ANKRA2: variants seen among roughly 807,000 people sequenced by gnomAD.
The protein encoded by ANKRA2 is ankyrin repeat family A member 2.
In ANKRA2, 33 loss-of-function variants were observed where a neutral mutation model predicts 37.8. The observed-to-expected ratio is 0.87, with a 90% CI of 0.66 to 1.17. The LOEUF is 1.17. Among genes scored for constraint, ANKRA2 ranks in the 50% most tolerant of loss-of-function variants. ANKRA2 has a pLI of 0.00. For missense variants in ANKRA2, 326 were observed against 373.7 expected, an observed-to-expected ratio of 0.87 and a Z score of 1.05; for synonymous variants, 126 against 132.3, an observed-to-expected ratio of 0.95 and a Z score of 0.33.
chr5:73,554,342 T>A lies in ANKRA2; in HGVS notation c.785A>T (p.Lys262Ile). 6.2e-7 allele frequency: 1 copy of A among 1,613,766 alleles called. No homozygotes were observed. Among genetic ancestry groups the A allele is most frequent in the Non-Finnish European group, 8.5e-7 (1 of 1,179,858 alleles). Residue 262 changes from lysine to isoleucine, a missense_variant, in exon 7 of 9, where the codon AAA (lysine) becomes ATA (isoleucine). By Grantham distance (102) the Lys-to-Ile change is moderately radical. This residue lies in a region of ANKRA2 where 228 missense variants were observed against 260.2 expected (regional missense o/e 0.88). Transcript: ENST00000296785. ...LLYAVHGNHV[K>I]CVKMLLESGA... is the part of the protein sequence containing the mutation. ...CTTACCTAAGAGCATCTTTACACAT[T>A]TCACATGATTTCCATGTACAGCATA... is the stretch of plus-strand genomic sequence containing the variant.
chr5:73,559,454 G>A (rs575765146), intron 3 of ANKRA2, among the ~76,000 whole-genome samples: 45 of 151,988 alleles, frequency 3.0e-4, no homozygotes, highest in Non-Finnish European at 5.3e-4. Context: ...GATTCAAGGT[G>A]TTAAAATAGG....
chr5:73,557,433 T>TTTA, intron 4 of ANKRA2, 142 bp downstream of exon 4: 2 of 269,094 alleles, frequency 7.4e-6, no homozygotes, highest in Non-Finnish European at 1.4e-5. Context: ...TTTTTTTTTT[T>TTTA]ACTATCCATT....
intron 5 of ANKRA2, chr5:73,555,272 T>C: frequency 2.5e-6 from 3 of 1,196,230 alleles, no homozygotes; most frequent in East Asian, 5.3e-5. Flanking sequence ...TCCCGTGGGA[T>C]GTAGAGGGGT....
At chr5:73,561,374 G>T in intron 2 of ANKRA2, 86 bp from the exon 3 acceptor site, 1 of 1,251,070 alleles carries the variant, frequency 8.0e-7, no homozygotes, top group Non-Finnish European at 1.1e-6. Flanking sequence ...AAATACATGA[G>T]GTGTAATAGC....
chr5:73,558,693 C>T (rs980585727), intron 3 of ANKRA2, among the ~76,000 whole-genome samples: 1 of 152,122 alleles, frequency 6.6e-6, no homozygotes, highest in Admixed American at 6.5e-5. Flanking sequence ...GGTGCCACCA[C>T]ATCCAGATAA....
rs1020914228 is a variant in ANKRA2, at chr5:73,555,231, C to T, written c.613-245G>A. ...GTCAAGTCACAGCTCCTCCATGAAG[C>T]CTTCTCCTTCAAAGCTGACAGTACT... is the stretch of plus-strand genomic sequence containing the variant. On this transcript the variant is annotated intron_variant, in intron 5 of 8. Transcript: ENST00000296785. 7.0e-6 allele frequency: 9 copies of T among 1,286,568 alleles called. No individual in the cohort carries two copies. In the East Asian group the frequency reaches 7.9e-5, roughly 11 times the overall value. 79.7% of individuals were successfully genotyped at this position (1,286,568 alleles called of 1,614,324 possible).
intron 2 of ANKRA2, among the ~76,000 whole-genome samples, chr5:73,562,241 T>G (rs1032705501): frequency 2.6e-5 from 4 of 152,108 alleles, no homozygotes; most frequent in Non-Finnish European, 5.9e-5. Flanking sequence ...GGTCTTGAAC[T>G]CCTGACCTCA....
At chr5:73,560,558 G>A (rs371889458) in intron 3 of ANKRA2, among the ~76,000 whole-genome samples, 1 of 151,576 alleles carries the variant, frequency 6.6e-6, no homozygotes, top group East Asian at 1.9e-4. Context: ...TTTATTTTTT[G>A]CATTTTTAGT....
In ANKRA2 at chr5:73,555,596, G is replaced by T; in HGVS notation, c.515-11C>A. On this transcript the variant is annotated splice_polypyrimidine_tract_variant and intron_variant, in intron 4 of 8. Transcript: ENST00000296785. ...GATTGATAACATTTTCTATTTAAAA[G>T]AAAAGCAATTTTTGTGATCTAATTT... The T allele has an allele frequency of 6.2e-7, 1 of 1,609,014 alleles. No individual in the cohort carries two copies.
rs767066782 is a variant in ANKRA2 at position 73,561,328 on chromosome 5, A to G, written c.290-40T>C. ...AATGTAAACACATTAAAAGCATTTCAGTAAGAGTTCTATGTCAATGTCTAC... is the reference window on the plus strand; with the variant it reads ...AATGTAAACACATTAAAAGCATTTCGGTAAGAGTTCTATGTCAATGTCTAC... On this transcript the variant is annotated intron_variant, in intron 2 of 8. Transcript: ENST00000296785. 1.0e-5 allele frequency: 16 copies of G among 1,561,474 alleles called. No homozygotes were observed. In the Middle Eastern group the frequency reaches 5.0e-4, roughly 49 times the overall value.
chr5:73,555,099 A>T, intron 5 of ANKRA2, 113 bp from the exon 6 acceptor site: 1 of 1,470,922 alleles, frequency 6.8e-7, no homozygotes, highest in Non-Finnish European at 8.9e-7. Context: ...TTCTGGGCTT[A>T]ATAAAGAAAT....
intron 4 of ANKRA2, among the ~76,000 whole-genome samples, chr5:73,556,483 C>T (rs1257636933): frequency 1.3e-5 from 2 of 152,010 alleles, no homozygotes; most frequent in African/African-American, 4.8e-5. Context: ...AAAACATATT[C>T]CATATGAGTT....
Position 73,561,191 on chromosome 5 carries a change from T to A in ANKRA2, c.387A>T (p.Ser129=), listed in dbSNP as rs765025657. The change falls in exon 3 of 9, where the codon TCA becomes TCT. Residue 129 remains serine (S), a synonymous_variant. Transcript: ENST00000296785. ...CTCTGTGTTTGTTGGTTAAAGTGGT[T>A]GACTGTTTTATGGGTGAGAAATGCT... ...TTKHFSPIKQ[S]TTLTNKHRGN... 5.6e-6 allele frequency: 9 copies of A among 1,613,932 alleles called. No individual in the cohort carries two copies. The South Asian group carries it at 9.9e-5, about 18-fold the overall frequency.
At position 73,552,682 on chromosome 5, in the gene ANKRA2, C is replaced by A; in HGVS notation, c.*115G>T. The A allele has an allele frequency of 4.7e-6, 4 of 857,884 alleles. No homozygotes were observed. Among genetic ancestry groups the A allele is most frequent in the African/African-American group, 1.7e-5 (1 of 57,400 alleles). 53.1% of individuals were successfully genotyped at this position (857,884 alleles called of 1,614,324 possible). A position where few individuals can be genotyped will look rare whatever the true frequency, so the allele number is the denominator to read the frequency against. ...TTACTCAGAGAAATATTTATTAAAA[C>A]CTACTAAAAACCAGTAAATATTGCA... On this transcript the variant is annotated 3_prime_UTR_variant, in exon 9 of 9. Transcript: ENST00000296785.
intron 1 of ANKRA2, 50 bp downstream of exon 1, chr5:73,565,082 A>C (rs903720987): frequency 4.6e-5 from 7 of 152,110 alleles, no homozygotes; most frequent in African/African-American, 1.7e-4. Flanking sequence ...CTGATCCTGG[A>C]ATTATTCTAC....
chr5:73,555,201 C>G, intron 5 of ANKRA2: 1 of 1,379,052 alleles, frequency 7.3e-7, no homozygotes, highest in Non-Finnish European at 9.4e-7. Context: ...TCCTTTCACT[C>G]TGGAGTCAAG....
chr5:73,564,666 A>G (rs961538140), intron 1 of ANKRA2, among the ~76,000 whole-genome samples: 13 of 152,238 alleles, frequency 8.5e-5, no homozygotes, highest in African/African-American at 3.1e-4. Flanking sequence ...GTGTTGAAAT[A>G]GGCCTTTCTA....
At position 73,562,758 on chromosome 5, in the gene ANKRA2, C is replaced by A; in HGVS notation, c.124G>T (p.Glu42Ter). 3 of 1,614,168 alleles carry A rather than the reference C, an allele frequency of 1.9e-6. No individual in the cohort carries two copies. Among genetic ancestry groups the A allele is most frequent in the Non-Finnish European group, 2.5e-6 (3 of 1,180,028 alleles). ...IEHPLDPNSE[E>*]GSAQGVAMGM... Reference sequence around the variant, plus strand: ...ATGGCAACACCCTGAGCTGACCCTTCTTCTGAATTTGGGTCCAGTGGATGT... The same window carrying A: ...ATGGCAACACCCTGAGCTGACCCTTATTCTGAATTTGGGTCCAGTGGATGT... Residue 42 changes from glutamate to a stop codon, truncating the protein, a stop_gained, in exon 2 of 9, where the codon GAA (glutamate) becomes TAA (stop). Transcript: ENST00000296785. LOFTEE classifies it high-confidence loss of function.
chr5:73,562,965 G>T lies in ANKRA2; in HGVS notation c.-84C>A. The T allele has an allele frequency of 8.0e-7, 1 of 1,246,890 alleles. No homozygotes were observed. The highest frequency in any genetic ancestry group is 1.7e-5 in the South Asian group (1 of 58,796). 77.2% of individuals were successfully genotyped at this position (1,246,890 alleles called of 1,614,324 possible). A position where few individuals can be genotyped will look rare whatever the true frequency, so the allele number is the denominator to read the frequency against. ...TAAGAGCAGTATCCAGTGTGTTCTT[G>T]GAATCTGGATATTTAAAAATCTGAA... is the stretch of plus-strand genomic sequence containing the variant. On this transcript the variant is annotated 5_prime_UTR_variant, in exon 2 of 9. Transcript: ENST00000296785.
Sources: gnomAD v4.1 joint callset for allele counts (sites outside exome capture counted in the v4.1 genomes callset) on GRCh38, gnomAD v4.1.1 for gene constraint, gnomAD v4.1.1 regional missense constraint, MANE v1.5 for transcripts, NCBI Gene and HGNC (gene_info 2026-07-23, HGNC 2026-07-21) for gene names.